The following CYTH3 variants were observed in gnomAD, a reference collection of about 807,000 sequenced individuals.
The protein encoded by CYTH3 is cytohesin 3.
A neutral mutation model predicts 55.1 loss-of-function variants in CYTH3; 23 were observed. That is an observed-to-expected ratio of 0.42 (90% confidence interval 0.30 to 0.59). The LOEUF is 0.59. Ranked by LOEUF, CYTH3 falls within the 20% of genes least tolerant of loss-of-function variation. CYTH3 has a pLI of 0.20. For synonymous variants in CYTH3, 249 were observed against 194.9 expected (o/e 1.28, Z -2.31); for missense variants, 413 against 524.8 (o/e 0.79, Z 2.08).
chr7:6,257,684 G>C (rs1780163569), intron 1 of CYTH3, among the ~76,000 whole-genome samples: 1 of 152,136 alleles, frequency 6.6e-6, no homozygotes, highest in Non-Finnish European at 1.5e-5. Flanking sequence ...TTTTCTCTTC[G>C]CACTCTATGG....
At chr7:6,231,946 C>T (rs1562400974) in intron 1 of CYTH3, among the ~76,000 whole-genome samples, 1 of 152,208 alleles carries the variant, frequency 6.6e-6, no homozygotes, top group Non-Finnish European at 1.5e-5. Flanking sequence ...AGAAATTATT[C>T]TCTGGCCATA....
chr7:6,194,353 T>G (rs892161934), intron 1 of CYTH3, among the ~76,000 whole-genome samples: 4 of 152,178 alleles, frequency 2.6e-5, no homozygotes, highest in African/African-American at 7.2e-5. Context: ...CTCAGGAGGC[T>G]GAGGTGGGAG....
Position 6,167,652 on chromosome 7 carries a change from G to A in CYTH3, c.824-1842C>T, listed in dbSNP as rs978176065. Among the ~76,000 whole-genome samples, 8 of 152,214 alleles carry A rather than the reference G, an allele frequency of 5.3e-5. No individual in the cohort carries two copies. The highest frequency in any genetic ancestry group is 1.9e-4 in the African/African-American group (8 of 41,460). ...AACCCAACTCCTTGGGCGGCAGCAG[G>A]GGCTGCCCTTCCTGGCTCCCCAGCT... is the stretch of plus-strand genomic sequence containing the variant. On this transcript the variant is annotated intron_variant, in intron 9 of 12. Coordinates refer to ENST00000350796, the MANE Select transcript of CYTH3 (RefSeq NM_004227.4). The surrounding 1 kb of genome is among the most constrained non-coding windows in gnomAD (Gnocchi z 5.5).
chr7:6,192,688 C>T (rs1181658620), intron 1 of CYTH3, among the ~76,000 whole-genome samples: 14 of 151,488 alleles, frequency 9.2e-5, no homozygotes, highest in African/African-American at 3.4e-4. Context: ...TGCACCACCA[C>T]GCTCGGCTAA....
At chr7:6,214,785 C>A (rs1245522641) in intron 1 of CYTH3, among the ~76,000 whole-genome samples, 1 of 152,130 alleles carries the variant, frequency 6.6e-6, no homozygotes, top group African/African-American at 2.4e-5. Context: ...AGATTTCCCA[C>A]GGTAATATCA....
At chr7:6,202,686 C>T (rs1054502856) in intron 1 of CYTH3, among the ~76,000 whole-genome samples, 6 of 152,060 alleles carry the variant, frequency 3.9e-5, no homozygotes, top group African/African-American at 9.7e-5. Context: ...CTCAAACTCC[C>T]GACCTGAGGT....
chr7:6,208,126 C>T (rs1359691047), intron 1 of CYTH3, among the ~76,000 whole-genome samples: 1 of 152,162 alleles, frequency 6.6e-6, no homozygotes, highest in Non-Finnish European at 1.5e-5. Flanking sequence ...TAGGTATACA[C>T]ATCTATCACT....
At chr7:6,262,155 G>C (rs914248297) in intron 1 of CYTH3, among the ~76,000 whole-genome samples, 2 of 152,146 alleles carry the variant, frequency 1.3e-5, no homozygotes, top group African/African-American at 4.8e-5. Context: ...ACGATGGAGA[G>C]GCAAAGGGAT....
intron 6 of CYTH3, 107 bp downstream of exon 6, chr7:6,173,546 T>G: frequency 1.3e-6 from 1 of 750,432 alleles, no homozygotes; most frequent in African/African-American, 1.7e-5. Flanking sequence ...TCTGTGAGAC[T>G]CGTGTGGCAC....
intron 6 of CYTH3, chr7:6,173,096 A>T: frequency 9.8e-7 from 1 of 1,019,698 alleles, no homozygotes; most frequent in South Asian, 3.4e-5. Context: ...CAAGGCCCAG[A>T]ACAGATGAAG....
At chr7:6,219,915 A>G (rs1283102011) in intron 1 of CYTH3, among the ~76,000 whole-genome samples, 2 of 152,210 alleles carry the variant, frequency 1.3e-5, no homozygotes, top group African/African-American at 4.8e-5. Flanking sequence ...CAAGGCTTAC[A>G]TAACTATATT....
chr7:6,164,881 G>A lies in CYTH3; in HGVS notation c.*63C>T. On this transcript the variant is annotated 3_prime_UTR_variant, in exon 13 of 13. Transcript: ENST00000350796. Reference sequence around the variant, plus strand: ...CTCCCTGCCACGCCTTCCGCGGAGGGGCCGCCCGCGGTGTCTTTCTGCTGG... The same window carrying A: ...CTCCCTGCCACGCCTTCCGCGGAGGAGCCGCCCGCGGTGTCTTTCTGCTGG... The A allele has an allele frequency of 1.3e-6, 2 of 1,592,104 alleles. No homozygotes were observed. The highest frequency in any genetic ancestry group is 1.3e-5 in the African/African-American group (1 of 74,552).
intron 1 of CYTH3, among the ~76,000 whole-genome samples, chr7:6,236,502 G>A (rs533070602): frequency 4.0e-5 from 6 of 151,584 alleles, no homozygotes; most frequent in South Asian, 4.2e-4. Flanking sequence ...AAGCCACTGC[G>A]CCTGGCCTGC....
intron 1 of CYTH3, among the ~76,000 whole-genome samples, chr7:6,234,954 A>G (rs10262194): frequency 0.29 from 43,610 of 152,088 alleles, 9,179 homozygotes; most frequent in African/African-American, 0.59. Flanking sequence ...CTCAGCAAGA[A>G]AATGAGAGCC....
At chr7:6,226,014 A>T (rs1055959047) in intron 1 of CYTH3, among the ~76,000 whole-genome samples, 2 of 152,192 alleles carry the variant, frequency 1.3e-5, no homozygotes, top group Non-Finnish European at 2.9e-5. Flanking sequence ...AAACAAAAAA[A>T]TTTTTGTCTT....
intron 1 of CYTH3, among the ~76,000 whole-genome samples, chr7:6,192,384 AT>A (rs545088304): frequency 1.3e-3 from 182 of 144,930 alleles, no homozygotes; most frequent in Middle Eastern, 3.6e-3. Flanking sequence ...TGTCTGGCTA[AT>A]TTTTTTTTTT....
chr7:6,202,459 T>G (rs1281137153), intron 1 of CYTH3, among the ~76,000 whole-genome samples: 2 of 118,944 alleles, frequency 1.7e-5, no homozygotes, highest in Admixed American at 8.3e-5. Context: ...CATTGCTAGT[T>G]TTTTTTTTTT....
At position 6,171,705 on chromosome 7, in the gene CYTH3, C is replaced by G; in HGVS notation, c.450-391G>C. 1 of 253,172 alleles carries G rather than the reference C, an allele frequency of 3.9e-6. No individual in the cohort carries two copies. The highest frequency in any genetic ancestry group is 8.1e-6 in the Non-Finnish European group (1 of 123,894). The allele number at this position is 253,172 out of a possible 1,614,324, so 15.7% of individuals were successfully genotyped here. ...GCCGGTCCTCCTTTCAGAACTCCCA[C>G]ACATAAGGCAGAGCCATAGCCCACA... On this transcript the variant is annotated intron_variant, in intron 6 of 12. Coordinates refer to ENST00000350796, the MANE Select transcript of CYTH3 (RefSeq NM_004227.4). The surrounding 1 kb of genome is among the most constrained non-coding windows in gnomAD (Gnocchi z 6.7).
At position 6,170,245 on chromosome 7, in the gene CYTH3, C is replaced by T. The variant is rs1463309939; in HGVS notation, c.823+290G>A. ...CTGTGGAGATAATGCGCTTGCTTCT[C>T]GTGCAGGAAGCTGCCCTGGCTGGAT... On this transcript the variant is annotated intron_variant, in intron 9 of 12. Coordinates refer to ENST00000350796, the MANE Select transcript of CYTH3 (RefSeq NM_004227.4). This position sits in a 1 kb window ranked among gnomAD's most constrained non-coding sequence, Gnocchi z 7.8. The T allele has an allele frequency of 9.5e-6, 4 of 419,966 alleles. No individual in the cohort carries two copies. The East Asian group carries it at 1.2e-4, about 13-fold the overall frequency. The allele number at this position is 419,966 out of a possible 1,614,324, so 26.0% of individuals were successfully genotyped here. A position where few individuals can be genotyped will look rare whatever the true frequency, so the allele number is the denominator to read the frequency against.
Sources: gnomAD v4.1 joint callset for allele counts (sites outside exome capture counted in the v4.1 genomes callset) on GRCh38, gnomAD v4.1.1 for gene constraint, Gnocchi (gnomAD v3.1) non-coding constraint, MANE v1.5 for transcripts, NCBI Gene and HGNC (gene_info 2026-07-23, HGNC 2026-07-21) for gene names.